Variants in SIK3 observed in about 807,000 individuals in gnomAD.
SIK3 encodes serine/threonine-protein kinase SIK3.
Under a neutral mutation model 144.2 loss-of-function variants are expected in SIK3, and 28 were observed. The observed-to-expected ratio is 0.19, with a 90% CI of 0.14 to 0.27. SIK3 has a LOEUF of 0.27. Among genes scored for constraint, SIK3 ranks in the 10% least tolerant of loss-of-function variants. The probability of loss-of-function intolerance (pLI) is 1.00; values close to 1 mark genes in which losing one functional copy is unlikely to be tolerated. For missense variants in SIK3, 1,319 were observed against 1,776.0 expected (o/e 0.74, Z 4.62); for synonymous variants, 686 against 676.3 (o/e 1.01, Z -0.22).
intron 1 of SIK3, among the ~76,000 whole-genome samples, chr11:117,010,999 A>G (rs1951228704): frequency 6.6e-6 from 1 of 152,128 alleles, no homozygotes; most frequent in African/African-American, 2.4e-5. Context: ...GCATGCCTGT[A>G]GTCCCAGCTA....
In SIK3 at chr11:116,927,188, C is replaced by G. The variant is rs146604657; in HGVS notation, c.616+31G>C. 1.9e-6 allele frequency: 3 copies of G among 1,574,026 alleles called. No individual in the cohort carries two copies. The South Asian group carries it at 3.5e-5, about 18-fold the overall frequency. ...GAACCCCAAGGAAAAGCTCCTTTGT[C>G]CCTATCTGACATCCTCAGTACAGTT... is the stretch of plus-strand genomic sequence containing the variant. On this transcript the variant is annotated intron_variant, in intron 4 of 24. Transcript: ENST00000445177.
chr11:116,979,622 A>G (rs1244838926), intron 1 of SIK3, among the ~76,000 whole-genome samples: 1 of 152,196 alleles, frequency 6.6e-6, no homozygotes, highest in Non-Finnish European at 1.5e-5. Context: ...CAAGGTGGGC[A>G]GATCACTTGA....
intron 1 of SIK3, among the ~76,000 whole-genome samples, chr11:117,062,898 C>G (rs1415561071): frequency 6.6e-6 from 1 of 152,126 alleles, no homozygotes; most frequent in Non-Finnish European, 1.5e-5. Flanking sequence ...ATACATCAGA[C>G]AGCATGGAAA....
chr11:116,916,111 C>T (rs1290971397), intron 4 of SIK3, among the ~76,000 whole-genome samples: 1 of 152,182 alleles, frequency 6.6e-6, no homozygotes, highest in Non-Finnish European at 1.5e-5. Flanking sequence ...TCTCTTGGAA[C>T]ACTGAAAATC....
At chr11:116,972,803 C>CAT in intron 1 of SIK3, among the ~76,000 whole-genome samples, 1 of 148,716 alleles carries the variant, frequency 6.7e-6, no homozygotes, top group Non-Finnish European at 1.5e-5. Flanking sequence ...CTCACACACA[C>CAT]ATACACACAC....
intron 6 of SIK3, among the ~76,000 whole-genome samples, chr11:116,890,263 C>T (rs1945032965): frequency 6.6e-6 from 1 of 152,126 alleles, no homozygotes; most frequent in African/African-American, 2.4e-5. Flanking sequence ...ACCTATGACT[C>T]CTCTCTGAGG....
chr11:116,859,230 T>C (rs1333345625), intron 20 of SIK3, 35 bp downstream of exon 20: 16 of 1,565,238 alleles, frequency 1.0e-5, no homozygotes, highest in Non-Finnish European at 1.3e-5. Flanking sequence ...CTGGATCCCA[T>C]GCATAGATGG....
At chr11:117,032,401 A>C (rs1209158448) in intron 1 of SIK3, among the ~76,000 whole-genome samples, 1 of 152,204 alleles carries the variant, frequency 6.6e-6, no homozygotes, top group Non-Finnish European at 1.5e-5. Flanking sequence ...TATATGCTCA[A>C]GTATTTCTTT....
At chr11:116,904,942 C>T (rs1219015098) in intron 4 of SIK3, 3 of 167,094 alleles carry the variant, frequency 1.8e-5, no homozygotes, top group Non-Finnish European at 4.4e-5. Context: ...TGCCCAGCGG[C>T]TTTTAGCGCA....
chr11:116,855,852 G>A (rs930449720), intron 21 of SIK3: 1 of 152,218 alleles, frequency 6.6e-6, no homozygotes, highest in East Asian at 1.9e-4. Context: ...GGGTTGTAGG[G>A]TTGTTGTAAG....
intron 15 of SIK3, among the ~76,000 whole-genome samples, chr11:116,866,511 G>A (rs541793398): frequency 6.6e-6 from 1 of 152,096 alleles, no homozygotes; most frequent in East Asian, 1.9e-4. Flanking sequence ...GCATGATCTC[G>A]GCTCACTGCA....
At chr11:117,059,255 G>A (rs1000190665) in intron 1 of SIK3, among the ~76,000 whole-genome samples, 4 of 152,094 alleles carry the variant, frequency 2.6e-5, no homozygotes, top group Admixed American at 2.6e-4. Flanking sequence ...AATCAACATG[G>A]ACATTAAAGG....
intron 1 of SIK3, among the ~76,000 whole-genome samples, chr11:117,078,280 T>C (rs1030085107): frequency 1.3e-5 from 2 of 152,216 alleles, no homozygotes; most frequent in Admixed American, 6.5e-5. Flanking sequence ...AGAAAGTGAT[T>C]ATTCAGCAAT....
chr11:116,867,584 G>C lies in SIK3; in HGVS notation c.1952+362C>G, dbSNP rs1294379635. On this transcript the variant is annotated intron_variant, in intron 15 of 24. Transcript: ENST00000445177. The surrounding 1 kb of genome is among the most constrained non-coding windows in gnomAD (Gnocchi z 4.1). Reference sequence around the variant, plus strand: ...AAGGTGATGGATTATTAAAGGTCAAGTCTATCGATATGGCTAAAAATCTTC... The same window carrying C: ...AAGGTGATGGATTATTAAAGGTCAACTCTATCGATATGGCTAAAAATCTTC... 1 of 184,988 alleles carries C rather than the reference G, an allele frequency of 5.4e-6. No homozygotes were observed. Among genetic ancestry groups the C allele is most frequent in the Non-Finnish European group, 1.1e-5 (1 of 89,512 alleles). 11.5% of individuals were successfully genotyped at this position (184,988 alleles called of 1,614,324 possible).
chr11:117,060,447 A>G (rs539993644), intron 1 of SIK3, among the ~76,000 whole-genome samples: 2 of 152,242 alleles, frequency 1.3e-5, no homozygotes, highest in African/African-American at 4.8e-5. Flanking sequence ...AAATATAAAA[A>G]TTAGCCAGGC....
chr11:116,977,079 A>T (rs1949969862), intron 1 of SIK3, among the ~76,000 whole-genome samples: 2 of 152,208 alleles, frequency 1.3e-5, no homozygotes, highest in Admixed American at 6.5e-5. Flanking sequence ...TAGGTATTTC[A>T]TCATTATTTT....
chr11:116,932,113 A>C (rs1226473819), intron 3 of SIK3, among the ~76,000 whole-genome samples: 1 of 152,132 alleles, frequency 6.6e-6, no homozygotes, highest in Non-Finnish European at 1.5e-5. Flanking sequence ...CTACGTTCAA[A>C]TCATATTCAG....
Position 116,858,659 on chromosome 11 carries a change from C to T in SIK3, c.2806G>A (p.Ala936Thr). 6.4e-7 allele frequency: 1 copy of T among 1,573,076 alleles called. No homozygotes were observed. The highest frequency in any genetic ancestry group is 2.2e-5 in the East Asian group (1 of 44,506). ...GAAAACAGATGGGGGTGTAAATGCG[C>T]CTGGTCGTAGTTAGCAGGGGAGAAC... is the stretch of plus-strand genomic sequence containing the variant. ...NRFSPANYDQ[A>T]HLHPHLFSDQ... The change falls in exon 21 of 25, where the codon GCG (alanine) becomes ACG (threonine). Residue 936 changes from alanine to threonine, a missense_variant. By Grantham distance (58) the Ala-to-Thr change is moderately conservative (BLOSUM62 0). Transcript: ENST00000445177. This position sits in a 1 kb window ranked among gnomAD's most constrained non-coding sequence, Gnocchi z 5.4.
intron 3 of SIK3, among the ~76,000 whole-genome samples, chr11:116,942,633 G>A (rs1237036197): frequency 1.3e-5 from 2 of 152,170 alleles, no homozygotes; most frequent in Non-Finnish European, 2.9e-5. Context: ...AGACTGGCAA[G>A]AAACAGGAGA....
Sources: gnomAD v4.1 joint callset for allele counts (sites outside exome capture counted in the v4.1 genomes callset) on GRCh38, gnomAD v4.1.1 for gene constraint, Gnocchi (gnomAD v3.1) non-coding constraint, MANE v1.5 for transcripts, NCBI Gene and HGNC (gene_info 2026-07-23, HGNC 2026-07-21) for gene names.